SNX13: variants seen among roughly 807,000 people sequenced by gnomAD.
SNX13 encodes the protein sorting nexin 13.
In SNX13, 45 loss-of-function variants were observed where a neutral mutation model predicts 133.6. The ratio of observed to expected loss-of-function variants is 0.34; its 90% CI spans 0.27 to 0.43. The LOEUF (loss-of-function observed/expected upper bound fraction) is 0.43. Among genes scored for constraint, SNX13 ranks in the 20% least tolerant of loss-of-function variants. The pLI is 1.00. For missense variants in SNX13, 1,032 were observed against 1,145.1 expected (o/e 0.90, Z 1.43); for synonymous variants, 414 against 373.9 (o/e 1.11, Z -1.24).
At chr7:17,833,004 C>T (rs1255587938) in intron 15 of SNX13, among the ~76,000 whole-genome samples, 3 of 151,400 alleles carry the variant, frequency 2.0e-5, no homozygotes, top group Admixed American at 6.6e-5. Context: ...ATTTTATCTC[C>T]ATTCTCAAGT....
chr7:17,803,296 G>A, intron 21 of SNX13, 123 bp downstream of exon 21: 2 of 833,026 alleles, frequency 2.4e-6, no homozygotes, highest in Non-Finnish European at 3.4e-6. Flanking sequence ...ATGAGACTAT[G>A]TGTCTAGCAA....
chr7:17,798,800 G>A, intron 23 of SNX13, 42 bp from the exon 24 acceptor site: 1 of 1,433,684 alleles, frequency 7.0e-7, no homozygotes, highest in Non-Finnish European at 9.4e-7. Context: ...TAAAATTTTA[G>A]AAGGTGAAAA....
chr7:17,880,475 G>A (rs1027538504), intron 5 of SNX13: 2 of 152,176 alleles, frequency 1.3e-5, no homozygotes, highest in African/African-American at 2.4e-5. Context: ...ATTTCAACGT[G>A]TTTGATTATC....
chr7:17,821,349 T>C (rs1418502239), intron 18 of SNX13, among the ~76,000 whole-genome samples, 160 bp downstream of exon 18: 1 of 152,206 alleles, frequency 6.6e-6, no homozygotes, highest in Non-Finnish European at 1.5e-5. Context: ...TTTGATTTAC[T>C]GGTTAAATGC....
intron 2 of SNX13, among the ~76,000 whole-genome samples, chr7:17,895,108 C>T (rs557493699): frequency 1.1e-4 from 17 of 152,068 alleles, no homozygotes; most frequent in Non-Finnish European, 2.4e-4. Flanking sequence ...TATATTAACA[C>T]TGTGTTATTA....
intron 3 of SNX13, among the ~76,000 whole-genome samples, chr7:17,892,354 C>T (rs925601277): frequency 1.3e-5 from 2 of 151,708 alleles, no homozygotes; most frequent in Non-Finnish European, 2.9e-5. Context: ...AAAGACTTAA[C>T]CATTCTTGAA....
intron 9 of SNX13, among the ~76,000 whole-genome samples, chr7:17,864,694 T>C (rs956781648): frequency 6.6e-6 from 1 of 150,476 alleles, no homozygotes; most frequent in Admixed American, 6.6e-5. Context: ...CCAAATAAGA[T>C]GACCAAAGGC....
rs201544188 is a variant in SNX13 at position 17,868,493 on chromosome 7, G to GA, written c.754-4dup. On this transcript the variant is annotated splice_region_variant and splice_polypyrimidine_tract_variant and intron_variant, in intron 8 of 25. Coordinates refer to ENST00000428135, the MANE Select transcript of SNX13 (RefSeq NM_015132.5). ...AGAATTCCTCGTGCAAGGATTTCCT[G>GA]AAAAAAAAGTAAATAACAAAAACAA... 392 of 1,581,938 alleles carry GA rather than the reference G, an allele frequency of 2.5e-4. 1 individual carries two copies. In the African/African-American group the frequency reaches 3.6e-3, roughly 15 times the overall value.
intron 1 of SNX13, among the ~76,000 whole-genome samples, chr7:17,912,974 C>T (rs2691569): frequency 0.44 from 67,097 of 151,976 alleles, 15,235 homozygotes; most frequent in South Asian, 0.66. Flanking sequence ...ATGCAAGACT[C>T]GCAGCCAGGG....
rs73079352 is a variant in SNX13, at chr7:17,813,162, C to T, written c.2064+1672G>A. 1.1e-3 allele frequency among the ~76,000 whole-genome samples: 165 copies of T among 151,998 alleles called. 2 individuals are homozygous for T. Among genetic ancestry groups the T allele is most frequent in the South Asian group, 7.9e-3 (38 of 4,812 alleles). On this transcript the variant is annotated intron_variant, in intron 20 of 25. Coordinates refer to ENST00000428135, the MANE Select transcript of SNX13 (RefSeq NM_015132.5). ...TGTTGTATAACTGTTGGGACATACA[C>T]GTGTGCTATTGTTGTTTGGTTAAAA...
chr7:17,931,865 T>C (rs1466972277), intron 1 of SNX13, among the ~76,000 whole-genome samples: 2 of 152,204 alleles, frequency 1.3e-5, no homozygotes, highest in African/African-American at 2.4e-5. Flanking sequence ...GTATATATTA[T>C]TTCTGAATAT....
intron 20 of SNX13, among the ~76,000 whole-genome samples, chr7:17,803,804 G>A (rs544290144): frequency 5.8e-4 from 88 of 151,348 alleles, no homozygotes; most frequent in African/African-American, 1.8e-3. Context: ...GCAGCACTTC[G>A]GCAGGCTGTA....
intron 9 of SNX13, among the ~76,000 whole-genome samples, chr7:17,851,848 A>T (rs1278743464): frequency 1.3e-5 from 2 of 152,188 alleles, no homozygotes; most frequent in Non-Finnish European, 2.9e-5. Flanking sequence ...GAGTTCAGAA[A>T]GGAAGACTAC....
chr7:17,880,966 C>T (rs532770937), intron 5 of SNX13: 5 of 152,144 alleles, frequency 3.3e-5, no homozygotes, highest in African/African-American at 1.2e-4. Context: ...TGTAGACTTG[C>T]CTGACTAGAG....
At chr7:17,805,691 T>A (rs1252443197) in intron 20 of SNX13, among the ~76,000 whole-genome samples, 2 of 152,224 alleles carry the variant, frequency 1.3e-5, no homozygotes. Context: ...GAATACTATC[T>A]CACATGCTTA....
Position 17,893,353 on chromosome 7 carries a change from T to C in SNX13, c.207A>G (p.Pro69=). ...TTACCTTAGGAACCCCAGGTGATGT[T>C]GGAGGAAGAAATGAGTGTTCACACT... is the stretch of plus-strand genomic sequence containing the variant. ...LEQCEHSFLP[P]TSPGVPKCLE... The change falls in exon 3 of 26, where the codon CCA becomes CCG. Residue 69 remains proline, a synonymous_variant. Coordinates refer to ENST00000428135, the MANE Select transcript of SNX13 (RefSeq NM_015132.5). 1 of 1,575,254 alleles carries C rather than the reference T, an allele frequency of 6.3e-7. No individual in the cohort carries two copies. Among genetic ancestry groups the C allele is most frequent in the Non-Finnish European group, 8.6e-7 (1 of 1,158,490 alleles).
At chr7:17,929,517 A>G (rs888784507) in intron 1 of SNX13, among the ~76,000 whole-genome samples, 5 of 152,084 alleles carry the variant, frequency 3.3e-5, no homozygotes, top group Admixed American at 1.3e-4. Context: ...CAAGTCAACT[A>G]CATATTTTTA....
chr7:17,803,371 T>A (rs1393266122), intron 21 of SNX13, 48 bp downstream of exon 21: 1 of 1,518,228 alleles, frequency 6.6e-7, no homozygotes, highest in Admixed American at 2.1e-5. Flanking sequence ...TACATCTTAT[T>A]GACTTAAAAA....
At chr7:17,798,630 A>T in intron 24 of SNX13, 60 bp downstream of exon 24, 1 of 1,239,214 alleles carries the variant, frequency 8.1e-7, no homozygotes, top group Non-Finnish European at 1.1e-6. Flanking sequence ...AAAGTTAATT[A>T]GTGATAACAA....
Sources: gnomAD v4.1 joint callset for allele counts (sites outside exome capture counted in the v4.1 genomes callset) on GRCh38, gnomAD v4.1.1 for gene constraint, MANE v1.5 for transcripts, NCBI Gene and HGNC (gene_info 2026-07-23, HGNC 2026-07-21) for gene names.